Variants in CIT observed in about 807,000 individuals in gnomAD.
CIT encodes the protein citron rho-interacting serine/threonine kinase.
A neutral mutation model predicts 272.7 loss-of-function variants in CIT; 79 were observed. The observed-to-expected ratio is 0.29, with a 90% CI of 0.24 to 0.35. The LOEUF is 0.35. CIT is among the 10% of genes least tolerant of loss of function. The probability of loss-of-function intolerance (pLI) is 1.00; values close to 1 mark genes in which losing one functional copy is unlikely to be tolerated. For missense variants in CIT, 1,909 were observed against 2,618.3 expected, an observed-to-expected ratio of 0.73 and a Z score of 5.91; for synonymous variants, 948 against 995.6, an observed-to-expected ratio of 0.95 and a Z score of 0.90.
In CIT at chr12:119,816,111, A is replaced by T. The variant is rs543950908; in HGVS notation, c.1111+6709T>A. ...ATAATAAGCATAAAGCACTTTGCAG[A>T]GCTCCTGGCACATACTAGGCACTCA... On this transcript the variant is annotated intron_variant, in intron 9 of 47. Transcript: ENST00000392521. Among the ~76,000 whole-genome samples, 4 of 152,318 alleles carry T rather than the reference A, an allele frequency of 2.6e-5. No homozygotes were observed. In the East Asian group the frequency reaches 7.7e-4, roughly 29 times the overall value.
At chr12:119,765,897 G>T (rs1555239090) in intron 19 of CIT, among the ~76,000 whole-genome samples, 1 of 152,138 alleles carries the variant, frequency 6.6e-6, no homozygotes, top group Non-Finnish European at 1.5e-5. Context: ...TGCTGGAAAG[G>T]AAAGAAAAGG....
intron 9 of CIT, among the ~76,000 whole-genome samples, chr12:119,813,076 C>G (rs1966870472): frequency 6.6e-6 from 1 of 152,206 alleles, no homozygotes; most frequent in African/African-American, 2.4e-5. Flanking sequence ...TGAGGGGAGG[C>G]CACCATTCTT....
chr12:119,775,599 T>C (rs551156108), intron 16 of CIT, among the ~76,000 whole-genome samples, 187 bp downstream of exon 16: 1 of 152,370 alleles, frequency 6.6e-6, no homozygotes, highest in South Asian at 2.1e-4. Context: ...ACTGCTGACA[T>C]GTCTCAAAAG....
intron 10 of CIT, among the ~76,000 whole-genome samples, chr12:119,788,766 C>T (rs1965033683): frequency 2.0e-5 from 3 of 152,192 alleles, no homozygotes; most frequent in East Asian, 1.9e-4. Context: ...GACCATGCGA[C>T]AGCCCTCCTC....
At chr12:119,739,407 G>A (rs886130069) in intron 24 of CIT, among the ~76,000 whole-genome samples, 1 of 152,042 alleles carries the variant, frequency 6.6e-6, no homozygotes, top group Non-Finnish European at 1.5e-5. Context: ...GGAGTTGTGG[G>A]AACTCCCATA....
Position 119,712,578 on chromosome 12 carries a change from G to C in CIT, c.4684+13C>G, listed in dbSNP as rs531684430. The C allele has an allele frequency of 1.9e-6, 3 of 1,612,798 alleles. No homozygotes were observed. Among genetic ancestry groups the C allele is most frequent in the Non-Finnish European group, 2.5e-6 (3 of 1,178,858 alleles). The stretch of plus-strand genomic sequence containing the variant: ...CCCACCTCCAGGGCGGGGCTCCTCC[G>C]GCTCCTCCTCACCTGCTTTGGCTGT... On this transcript the variant is annotated intron_variant, in intron 36 of 47. Coordinates refer to ENST00000392521, the MANE Select transcript of CIT (RefSeq NM_001206999.2). The surrounding 1 kb of genome is among the most constrained non-coding windows in gnomAD (Gnocchi z 5.2).
chr12:119,782,328 T>C, intron 13 of CIT, 190 bp downstream of exon 13: 1 of 528,522 alleles, frequency 1.9e-6, no homozygotes, highest in South Asian at 2.7e-5. Context: ...GGAACAAGCA[T>C]TCTATGATGT....
At chr12:119,850,692 T>C (rs957803810) in intron 4 of CIT, among the ~76,000 whole-genome samples, 8 of 152,230 alleles carry the variant, frequency 5.3e-5, no homozygotes, top group Non-Finnish European at 7.3e-5. Flanking sequence ...TCTCTTCCTC[T>C]TCTCTTCCTG....
intron 10 of CIT, among the ~76,000 whole-genome samples, chr12:119,793,881 A>T (rs959847066): frequency 6.6e-6 from 1 of 152,216 alleles, no homozygotes; most frequent in African/African-American, 2.4e-5. Flanking sequence ...AATGAATGTG[A>T]ATCTGCCCCC....
chr12:119,758,637 C>T lies in CIT; in HGVS notation c.2485G>A (p.Ala829Thr). The change falls in exon 21 of 48, where the codon GCC (alanine) becomes ACC (threonine). Residue 829 changes from alanine to threonine, a missense_variant. Around this residue, in one of 8 missense-constraint regions of CIT, gnomAD observed 530 missense variants for 822.4 expected, o/e 0.64. Coordinates refer to ENST00000392521, the MANE Select transcript of CIT (RefSeq NM_001206999.2). Reference protein sequence around the residue: ...LEQRIVELSEANKLAANSSLF... With the variant: ...LEQRIVELSETNKLAANSSLF... ...CTGCTATTTGCTGCAAGTTTATTGGCTTCAGACAGTTCCACAATCCTCTGT... is the reference window on the plus strand; with the variant it reads ...CTGCTATTTGCTGCAAGTTTATTGGTTTCAGACAGTTCCACAATCCTCTGT... 6.2e-7 allele frequency: 1 copy of T among 1,614,008 alleles called. No homozygotes were observed. The highest frequency in any genetic ancestry group is 2.2e-5 in the East Asian group (1 of 44,882).
At chr12:119,799,501 T>C (rs7967407) in intron 10 of CIT, among the ~76,000 whole-genome samples, 1,875 of 152,232 alleles carry the variant, frequency 0.012, 22 homozygotes, top group Non-Finnish European at 0.019. Context: ...CCATGGTGTT[T>C]GAATGCCTGG....
At chr12:119,835,027 C>T (rs280586) in intron 5 of CIT, among the ~76,000 whole-genome samples, 15,200 of 151,958 alleles carry the variant, frequency 0.1, 1,961 homozygotes, top group African/African-American at 0.3. Context: ...TTGAAATAAA[C>T]AAGGAATTAT....
intron 18 of CIT, among the ~76,000 whole-genome samples, chr12:119,769,394 G>A (rs915941507): frequency 1.3e-5 from 2 of 152,164 alleles, no homozygotes; most frequent in Non-Finnish European, 2.9e-5. Context: ...CTTCAGTCCT[G>A]TTATGCAAAT....
intron 23 of CIT, among the ~76,000 whole-genome samples, chr12:119,750,572 A>C (rs925551944): frequency 1.3e-5 from 2 of 151,970 alleles, no homozygotes; most frequent in Non-Finnish European, 2.9e-5. Flanking sequence ...ACTTGGTGTA[A>C]GTCCTAGAAA....
chr12:119,721,150 A>G (rs1957799564), intron 29 of CIT, among the ~76,000 whole-genome samples, 159 bp downstream of exon 29: 1 of 152,122 alleles, frequency 6.6e-6, no homozygotes, highest in African/African-American at 2.4e-5. Context: ...TATTTTTAGT[A>G]GAGATGGGGT....
At chr12:119,769,097 T>C (rs894558859) in intron 18 of CIT, among the ~76,000 whole-genome samples, 19 of 150,964 alleles carry the variant, frequency 1.3e-4, no homozygotes, top group African/African-American at 4.6e-4. Context: ...TTTTCCAGTT[T>C]CGGTCTTCAT....
chr12:119,803,612 G>T, intron 9 of CIT: 1 of 389,590 alleles, frequency 2.6e-6, no homozygotes, highest in African/African-American at 2.1e-5. Context: ...TCCCGCCTGG[G>T]GTAAACTGAA....
chr12:119,861,936 T>C (rs1950350390), intron 3 of CIT, among the ~76,000 whole-genome samples: 1 of 152,214 alleles, frequency 6.6e-6, no homozygotes, highest in Non-Finnish European at 1.5e-5. Context: ...GATGGCTCAG[T>C]ATCCATTAGA....
chr12:119,715,415 G>C (rs79973535), intron 32 of CIT, among the ~76,000 whole-genome samples: 1 of 152,192 alleles, frequency 6.6e-6, no homozygotes, highest in Non-Finnish European at 1.5e-5. Context: ...TACATTCCAT[G>C]AAAGAAGCCA....
Sources: allele counts gnomAD v4.1 joint callset (sites outside exome capture counted in the v4.1 genomes callset), GRCh38; gene constraint gnomAD v4.1.1; regional missense constraint gnomAD v4.1.1; non-coding constraint Gnocchi (gnomAD v3.1); transcripts MANE v1.5; gene names NCBI Gene and HGNC (gene_info 2026-07-23, HGNC 2026-07-21).